The following TMCO5A variants were observed in gnomAD, a reference collection of about 807,000 sequenced individuals.
TMCO5A encodes transmembrane and coiled-coil domains 5A, also known as transmembrane and coiled-coil domain-containing protein 5A.
A neutral mutation model predicts 42.3 loss-of-function variants in TMCO5A; 34 were observed. The observed-to-expected ratio is 0.80, with a 90% confidence interval of 0.61 to 1.07. The LOEUF (loss-of-function observed/expected upper bound fraction) is 1.07, where lower values mean the gene tolerates loss of function less well. Among genes scored for constraint, TMCO5A ranks in the 50% least tolerant of loss-of-function variants. The pLI is 0.00. For synonymous variants in TMCO5A, 131 were observed against 115.6 expected (o/e 1.13, Z -0.86); for missense variants, 357 against 327.9 (o/e 1.09, Z -0.69).
the TMCO5A span, among the ~76,000 whole-genome samples, chr15:37,983,793 C>A: frequency 6.7e-6 from 1 of 149,366 alleles, no homozygotes; most frequent in East Asian, 2.0e-4. Flanking sequence ...GGCATGATCT[C>A]GGCTCACTGC....
chr15:37,961,692 G>T lies in TMCO5A; in HGVS notation c.669-4933G>T, dbSNP rs375705040. 5.7e-4 allele frequency among the ~76,000 whole-genome samples: 86 copies of T among 152,082 alleles called. 1 individual carries two copies. In the East Asian group the frequency reaches 0.013, roughly 22 times the overall value. On this transcript the variant is annotated intron_variant, in intron 11 of 11. Coordinates refer to the TMCO5A transcript ENST00000559502. Reference sequence around the variant, plus strand: ...GCATGGGATGTGTTTCCATTTGTTTGTCATCTATGATTTCTTTCAGCAGTG... The same window carrying T: ...GCATGGGATGTGTTTCCATTTGTTTTTCATCTATGATTTCTTTCAGCAGTG...
At chr15:38,013,304 C>T in the TMCO5A span, among the ~76,000 whole-genome samples, 2 of 151,836 alleles carry the variant, frequency 1.3e-5, no homozygotes, top group South Asian at 2.1e-4. Flanking sequence ...GCAGGCCAAG[C>T]ACCACAGGAA....
At chr15:37,978,383 C>T in the TMCO5A span, among the ~76,000 whole-genome samples, 3 of 152,352 alleles carry the variant, frequency 2.0e-5, no homozygotes, top group South Asian at 6.2e-4. Flanking sequence ...TAGGGAAACA[C>T]AGAGCTACTA....
the TMCO5A span, among the ~76,000 whole-genome samples, chr15:38,033,195 G>T: frequency 6.6e-6 from 1 of 152,050 alleles, no homozygotes; most frequent in Non-Finnish European, 1.5e-5. Context: ...CCGAAATTTG[G>T]TCTCTTACCC....
At chr15:37,994,878 C>T in the TMCO5A span, 1 of 152,318 alleles carries the variant, frequency 6.6e-6, no homozygotes, top group South Asian at 2.1e-4. Flanking sequence ...GTTCCTATCA[C>T]TTTAGTAGCT....
chr15:38,020,206 T>G, the TMCO5A span: 1 of 152,122 alleles, frequency 6.6e-6, no homozygotes, highest in Non-Finnish European at 1.5e-5. Context: ...GGAGTCTCCC[T>G]GTGTTGCCCA....
the TMCO5A span, among the ~76,000 whole-genome samples, chr15:38,026,775 G>A: frequency 6.6e-6 from 1 of 152,188 alleles, no homozygotes; most frequent in African/African-American, 2.4e-5. Flanking sequence ...TGCAGCCTAG[G>A]GACTTGTTGC....
the TMCO5A span, among the ~76,000 whole-genome samples, chr15:37,995,407 C>A: frequency 6.6e-6 from 1 of 152,238 alleles, no homozygotes; most frequent in Admixed American, 6.5e-5. Flanking sequence ...ATGAACCATG[C>A]AGTTTGGTAA....
the TMCO5A span, among the ~76,000 whole-genome samples, chr15:37,974,156 TG>T: frequency 2.0e-5 from 3 of 152,170 alleles, no homozygotes; most frequent in African/African-American, 7.2e-5. Context: ...TGCTGGATTT[TG>T]TTTGCTGATA....
chr15:37,945,014 T>G (rs1274626756), intron 10 of TMCO5A, among the ~76,000 whole-genome samples: 1 of 152,044 alleles, frequency 6.6e-6, no homozygotes, highest in African/African-American at 2.4e-5. Flanking sequence ...TTCCTAATGC[T>G]CTCCCTCCCA....
In TMCO5A at chr15:37,936,983, T is replaced by C. The variant is rs562538894; in HGVS notation, c.264+13T>C. On this transcript the variant is annotated intron_variant, in intron 4 of 11. Transcript: ENST00000319669. ...AACAGCCAGACTTGTAAGCAAGAAG[T>C]TGGGAAGAGCCATTTAATAGGTTGC... The C allele has an allele frequency of 4.3e-6, 7 of 1,611,598 alleles. No homozygotes were observed. The highest frequency in any genetic ancestry group is 2.7e-5 in the African/African-American group (2 of 74,922).
the TMCO5A span, among the ~76,000 whole-genome samples, chr15:38,031,143 C>A: frequency 2.6e-5 from 4 of 152,176 alleles, no homozygotes; most frequent in Admixed American, 6.6e-5. Context: ...TCTGCTTTCC[C>A]TTGCACCCTT....
chr15:37,936,746 T>C (rs1420275146), intron 3 of TMCO5A, 101 bp from the exon 4 acceptor site: 3 of 1,498,714 alleles, frequency 2.0e-6, no homozygotes, highest in East Asian at 4.7e-5. Flanking sequence ...TTGAGATTCA[T>C]GTACACTGTC....
chr15:37,938,092 C>T, intron 5 of TMCO5A, 66 bp from the exon 6 acceptor site: 1 of 1,354,288 alleles, frequency 7.4e-7, no homozygotes, highest in South Asian at 1.3e-5. Flanking sequence ...CTAATCTCCA[C>T]ACACCAGAGA....
chr15:37,981,625 C>G, the TMCO5A span, among the ~76,000 whole-genome samples: 1 of 152,200 alleles, frequency 6.6e-6, no homozygotes, highest in Admixed American at 6.5e-5. Flanking sequence ...CAAGGCTAGC[C>G]AGGGAAACAT....
chr15:37,974,769 T>C, the TMCO5A span, among the ~76,000 whole-genome samples: 1 of 152,200 alleles, frequency 6.6e-6, no homozygotes, highest in Non-Finnish European at 1.5e-5. Context: ...ATTTTGGTTA[T>C]TTCTTGTCTT....
At chr15:37,935,501 A>T (rs7174635) in intron 2 of TMCO5A, among the ~76,000 whole-genome samples, 153 bp downstream of exon 2, 40,146 of 151,946 alleles carry the variant, frequency 0.26, 6,049 homozygotes, top group African/African-American at 0.39. Flanking sequence ...CCAAGATAGG[A>T]CTTAACTTTC....
At chr15:37,971,899 T>C (rs1398686708), downstream of TMCO5A, among the ~76,000 whole-genome samples, 1 of 152,206 alleles carries the variant, frequency 6.6e-6, no homozygotes, top group Non-Finnish European at 1.5e-5. Flanking sequence ...ATTTAACAAG[T>C]CTCTAGGGAA....
chr15:37,996,160 G>A, the TMCO5A span, among the ~76,000 whole-genome samples: 1 of 152,182 alleles, frequency 6.6e-6, no homozygotes, highest in African/African-American at 2.4e-5. Flanking sequence ...ACCCTGGGGC[G>A]TAAGAGTGAT....
Sources: gnomAD v4.1 joint callset for allele counts (sites outside exome capture counted in the v4.1 genomes callset) on GRCh38, gnomAD v4.1.1 for gene constraint, MANE v1.5 for transcripts, NCBI Gene and HGNC (gene_info 2026-07-23, HGNC 2026-07-21) for gene names.